Variants in SRGAP1 observed in about 807,000 individuals in gnomAD.
The protein encoded by SRGAP1 is SLIT-ROBO Rho GTPase activating protein 1, also known as SLIT-ROBO Rho GTPase-activating protein 1.
Under a neutral mutation model 121.9 loss-of-function variants are expected in SRGAP1, and 43 were observed. The observed-to-expected ratio is 0.35, with a 90% CI of 0.28 to 0.46. The LOEUF (loss-of-function observed/expected upper bound fraction) is 0.46. Among genes scored for constraint, SRGAP1 ranks in the 20% least tolerant of loss-of-function variants. The pLI is 1.00. For missense variants in SRGAP1, 1,102 were observed against 1,350.9 expected, an observed-to-expected ratio of 0.82 and a Z score of 2.89; for synonymous variants, 447 against 485.4, an observed-to-expected ratio of 0.92 and a Z score of 1.04.
At chr12:63,982,082 A>G (rs1313002275) in intron 1 of SRGAP1, among the ~76,000 whole-genome samples, 1 of 152,044 alleles carries the variant, frequency 6.6e-6, no homozygotes, top group African/African-American at 2.4e-5. Context: ...GCATGGTGGC[A>G]GGCGCCTGTA....
At chr12:64,063,667 G>A (rs2035489364) in intron 7 of SRGAP1, among the ~76,000 whole-genome samples, 1 of 151,122 alleles carries the variant, frequency 6.6e-6, no homozygotes, top group South Asian at 2.1e-4. Flanking sequence ...CAAAAAAAAT[G>A]CATTTAAACT....
chr12:63,869,804 T>A (rs2136275657), intron 1 of SRGAP1, among the ~76,000 whole-genome samples: 1 of 152,332 alleles, frequency 6.6e-6, no homozygotes, highest in Middle Eastern at 3.4e-3. Context: ...ATCAGCCTAG[T>A]AGATACAATA....
At chr12:64,044,914 A>C (rs1174183192) in intron 6 of SRGAP1, among the ~76,000 whole-genome samples, 1 of 151,966 alleles carries the variant, frequency 6.6e-6, no homozygotes, top group East Asian at 1.9e-4. Context: ...TCCTAAGCTC[A>C]AGTGATCCAC....
rs199655683 is a variant in SRGAP1 at position 63,951,703 on chromosome 12, G to GT, written c.68-32236dup. ...CTTTATTTTATTTGAATTTTTATTT[G>GT]TTTTTTTTAGACTGACTTGTAGAAT... is the stretch of plus-strand genomic sequence containing the variant. On this transcript the variant is annotated intron_variant, in intron 1 of 21. Transcript: ENST00000355086. Among the ~76,000 whole-genome samples, 467 of 151,652 alleles carry GT rather than the reference G, an allele frequency of 3.1e-3. 3 individuals are homozygous for GT. Among genetic ancestry groups the GT allele is most frequent in the African/African-American group, 0.011 (448 of 41,334 alleles).
intron 18 of SRGAP1, among the ~76,000 whole-genome samples, chr12:64,119,465 G>A (rs530193020): frequency 1.6e-4 from 24 of 152,114 alleles, no homozygotes; most frequent in African/African-American, 5.3e-4. Context: ...TATTAATATG[G>A]GGAGAATTAA....
In SRGAP1 at chr12:64,097,344, G is replaced by C. The variant is rs1329787820; in HGVS notation, c.1782G>C (p.Lys594Asn). 1 of 1,612,084 alleles carries C rather than the reference G, an allele frequency of 6.2e-7. No homozygotes were observed. The highest frequency in any genetic ancestry group is 8.5e-7 in the Non-Finnish European group (1 of 1,179,590). The stretch of plus-strand genomic sequence containing the variant: ...GGCTGGAAAACCCCCTCTTTCCTAA[G>C]GAAAGATTTAACGATCTGATTTCTT... Reference protein sequence around the residue: ...FRGLENPLFPKERFNDLISCI... With the variant: ...FRGLENPLFPNERFNDLISCI... The change falls in exon 15 of 22, where the codon AAG becomes AAC. Residue 594 changes from lysine to asparagine, a missense_variant. By Grantham distance (94) the Lys-to-Asn change is moderately conservative. Around this residue, in one of 3 missense-constraint regions of SRGAP1, gnomAD observed 747 missense variants for 929.4 expected, o/e 0.80. Coordinates refer to ENST00000355086, the MANE Select transcript of SRGAP1 (RefSeq NM_020762.4).
chr12:63,958,301 C>T (rs1592982294), intron 1 of SRGAP1, among the ~76,000 whole-genome samples: 1 of 152,244 alleles, frequency 6.6e-6, no homozygotes, highest in Non-Finnish European at 1.5e-5. Context: ...TGCCACTCTC[C>T]GTGCAGTGTG....
chr12:63,948,950 A>G (rs60591911), intron 1 of SRGAP1, among the ~76,000 whole-genome samples: 2 of 77,464 alleles, frequency 2.6e-5, no homozygotes, highest in African/African-American at 4.7e-5. Context: ...TTCCATATAT[A>G]TATTCCATAT....
chr12:63,999,787 G>A (rs1201389654), intron 3 of SRGAP1, among the ~76,000 whole-genome samples: 1 of 152,112 alleles, frequency 6.6e-6, no homozygotes, highest in East Asian at 1.9e-4. Flanking sequence ...CTAGAGAGTT[G>A]GGAATCTTCC....
intron 1 of SRGAP1, among the ~76,000 whole-genome samples, chr12:63,927,134 T>G (rs1297875224): frequency 6.6e-6 from 1 of 152,216 alleles, no homozygotes; most frequent in Non-Finnish European, 1.5e-5. Flanking sequence ...GTATTTCATC[T>G]TGACGTCTGT....
chr12:63,953,930 A>C (rs1221611865), intron 1 of SRGAP1, among the ~76,000 whole-genome samples: 1 of 152,174 alleles, frequency 6.6e-6, no homozygotes, highest in East Asian at 1.9e-4. Flanking sequence ...AGTCTTCCCA[A>C]TATATGAAAA....
At chr12:63,936,340 T>C (rs1164260615) in intron 1 of SRGAP1, among the ~76,000 whole-genome samples, 1 of 152,196 alleles carries the variant, frequency 6.6e-6, no homozygotes, top group African/African-American at 2.4e-5. Context: ...CCAGTAAGCA[T>C]ATTCCCTTTC....
chr12:63,893,542 C>T (rs563938527), intron 1 of SRGAP1, among the ~76,000 whole-genome samples: 4 of 152,176 alleles, frequency 2.6e-5, no homozygotes, highest in Non-Finnish European at 4.4e-5. Context: ...TTGAGTGCCT[C>T]AGACATGCCT....
chr12:63,857,276 T>C (rs1899285978), intron 1 of SRGAP1, among the ~76,000 whole-genome samples: 1 of 151,924 alleles, frequency 6.6e-6, no homozygotes, highest in African/African-American at 2.4e-5. Context: ...ATGGGATTTC[T>C]CCATGTTGGC....
At chr12:64,091,490 T>A in intron 12 of SRGAP1, 112 bp downstream of exon 12, 5 of 643,420 alleles carry the variant, frequency 7.8e-6, no homozygotes, top group Non-Finnish European at 1.3e-5. Context: ...TGGGGCTCTT[T>A]GCTTTCCCAG....
At chr12:64,079,273 T>C (rs898591481) in intron 9 of SRGAP1, among the ~76,000 whole-genome samples, 157 bp downstream of exon 9, 1 of 151,816 alleles carries the variant, frequency 6.6e-6, no homozygotes, top group Non-Finnish European at 1.5e-5. Flanking sequence ...TCGGAAAGAG[T>C]TTAGGAGTTA....
chr12:64,063,658 A>G (rs1182664615), intron 7 of SRGAP1, among the ~76,000 whole-genome samples: 3 of 101,874 alleles, frequency 2.9e-5, no homozygotes, highest in Non-Finnish European at 6.5e-5. Context: ...TTATTTTACC[A>G]AAAAAAATGC....
At position 64,011,229 on chromosome 12, in the gene SRGAP1, G is replaced by T. The variant is rs923631761; in HGVS notation, c.427-5721G>T. Among the ~76,000 whole-genome samples the T allele has an allele frequency of 3.3e-5, 5 of 152,006 alleles. No individual in the cohort carries two copies. The East Asian group carries it at 9.6e-4, about 29-fold the overall frequency. ...ACTCTATCCTAAAATAATGTAGCAA[G>T]CCTTTCAACAATTTTAATCAGAGGA... is the stretch of plus-strand genomic sequence containing the variant. On this transcript the variant is annotated intron_variant, in intron 3 of 21. Transcript: ENST00000355086.
chr12:63,949,170 A>AT (rs1373711598), intron 1 of SRGAP1, among the ~76,000 whole-genome samples: 1 of 108,500 alleles, frequency 9.2e-6, no homozygotes, highest in Non-Finnish European at 1.9e-5. Context: ...CCATATATAT[A>AT]TTTTTTCCAT....
Sources: gnomAD v4.1 joint callset for allele counts (sites outside exome capture counted in the v4.1 genomes callset) on GRCh38, gnomAD v4.1.1 for gene constraint, gnomAD v4.1.1 regional missense constraint, MANE v1.5 for transcripts, NCBI Gene and HGNC (gene_info 2026-07-23, HGNC 2026-07-21) for gene names.